Variants in RNF213 observed in about 807,000 individuals in gnomAD.
RNF213 encodes the protein E3 ubiquitin-protein ligase RNF213.
A neutral mutation model predicts 514.4 loss-of-function variants in RNF213; 341 were observed. That is an observed-to-expected ratio of 0.66 (90% CI 0.61 to 0.73). The LOEUF (loss-of-function observed/expected upper bound fraction) is 0.73. RNF213 is among the 30% of genes least tolerant of loss of function. The pLI is 0.00. For synonymous variants in RNF213, 2,655 were observed against 2,658.2 expected, an observed-to-expected ratio of 1.00 and a Z score of 0.04; for missense variants, 5,767 against 6,615.6, an observed-to-expected ratio of 0.87 and a Z score of 4.45.
chr17:80,294,885 C>T lies in RNF213; in HGVS notation c.1637C>T (p.Thr546Ile), dbSNP rs371028020. Reference sequence around the variant, plus strand: ...TTCAGCATCCTGCAGACCTGGGACACCATCAACCTGAACAGCTTCTTCACC... The same window carrying T: ...TTCAGCATCCTGCAGACCTGGGACATCATCAACCTGAACAGCTTCTTCACC... ...STFSILQTWD[T>I]INLNSFFTQF... is the part of the protein sequence containing the mutation. Residue 546 changes from threonine to isoleucine, a missense_variant, in exon 9 of 68, where the codon ACC (threonine) becomes ATC (isoleucine). This residue lies in a region of RNF213 where 592 missense variants were observed against 673.9 expected (regional missense o/e 0.88). Transcript: ENST00000582970. The T allele has an allele frequency of 1.9e-6, 3 of 1,614,110 alleles. No individual in the cohort carries two copies. The highest frequency in any genetic ancestry group is 1.3e-5 in the African/African-American group (1 of 74,934).
At chr17:80,387,209 G>A (rs190455678) in intron 63 of RNF213, among the ~76,000 whole-genome samples, 165 of 152,340 alleles carry the variant, frequency 1.1e-3, no homozygotes, top group Admixed American at 2.0e-3. Context: ...GGGCTCAAGC[G>A]ATCCTCTCAC....
intron 2 of RNF213, among the ~76,000 whole-genome samples, chr17:80,271,403 AG>A (rs2043817562): frequency 6.6e-6 from 1 of 152,200 alleles, no homozygotes; most frequent in South Asian, 2.1e-4. Flanking sequence ...CAGATCTCAG[AG>A]GAGGAGAGGG....
chr17:80,377,065 C>A lies in RNF213; in HGVS notation c.13510+102C>A, dbSNP rs1194721279. On this transcript the variant is annotated intron_variant, in intron 53 of 67. Coordinates refer to ENST00000582970, the MANE Select transcript of RNF213 (RefSeq NM_001256071.3). The surrounding 1 kb of genome is among the most constrained non-coding windows in gnomAD (Gnocchi z 4.1). ...CGACTTGGGGTCCACGTGGTTTGTG[C>A]CTCAGGGTCCAAAACCACCTGCATT... The A allele has an allele frequency of 1.1e-6, 1 of 907,230 alleles. No homozygotes were observed. The highest frequency in any genetic ancestry group is 1.8e-6 in the Non-Finnish European group (1 of 564,876). 56.2% of individuals were successfully genotyped at this position (907,230 alleles called of 1,614,324 possible).
In RNF213 at chr17:80,336,180, G is replaced by A; in HGVS notation, c.4329G>A (p.Val1443=). 6.5e-7 allele frequency: 1 copy of A among 1,537,254 alleles called. No homozygotes were observed. Among genetic ancestry groups the A allele is most frequent in the Non-Finnish European group, 8.7e-7 (1 of 1,146,900 alleles). ...EALGGINELK[V]FVDLASISAG... is the part of the protein sequence containing the mutation. The stretch of plus-strand genomic sequence containing the variant: ...CCCCAGGCATCAATGAGCTGAAGGT[G>A]TTTGTGGACCTGGCCTCCATCTCAG... Residue 1443 remains valine (V), a synonymous_variant, in exon 23 of 68, where the codon GTG becomes GTA. Coordinates refer to ENST00000582970, the MANE Select transcript of RNF213 (RefSeq NM_001256071.3).
At chr17:80,342,962 C>T (rs1230017799) in intron 26 of RNF213, among the ~76,000 whole-genome samples, 170 bp from the exon 27 acceptor site, 1 of 151,584 alleles carries the variant, frequency 6.6e-6, no homozygotes, top group Admixed American at 6.6e-5. Context: ...CCTGCCACCA[C>T]GCCTGGCTAA....
chr17:80,379,465 A>G (rs2079897316), intron 54 of RNF213, 155 bp from the exon 55 acceptor site: 8 of 748,268 alleles, frequency 1.1e-5, no homozygotes, highest in Non-Finnish European at 1.7e-5. Flanking sequence ...CCCTGTTCCC[A>G]TGGGTTCTCC....
chr17:80,371,531 G>T, intron 46 of RNF213: 1 of 174,314 alleles, frequency 5.7e-6, no homozygotes, highest in Non-Finnish European at 1.2e-5. Context: ...TTAAATGAAT[G>T]TATATTTTTG....
rs2080704629 is a variant in RNF213 at position 80,398,520 on chromosome 17, A to G, written c.*5022A>G. The G allele has an allele frequency of 1.3e-5, 2 of 152,190 alleles. No individual in the cohort carries two copies. Among genetic ancestry groups the G allele is most frequent in the Admixed American group, 6.5e-5 (1 of 15,274 alleles). The allele number at this position is 152,190 out of a possible 1,614,324, so 9.4% of individuals were successfully genotyped here. On this transcript the variant is annotated 3_prime_UTR_variant, in exon 68 of 68. Coordinates refer to ENST00000582970, the MANE Select transcript of RNF213 (RefSeq NM_001256071.3). ...TGGACAGGTCCCTTGTTTCAAAGGT[A>G]TGGCACAAGGTAACCTGTAAGCCAG...
At position 80,288,554 on chromosome 17, in the gene RNF213, A is replaced by T; in HGVS notation, c.811-79A>T. 6.2e-7 allele frequency: 1 copy of T among 1,612,664 alleles called. No individual in the cohort carries two copies. The highest frequency in any genetic ancestry group is 8.5e-7 in the Non-Finnish European group (1 of 1,179,412). ...CACCCTGTCCCTCGGCTTGTGGCAG[A>T]TGCTGCCCCTTAAACCATTGAGTCG... On this transcript the variant is annotated intron_variant, in intron 4 of 67. Coordinates refer to ENST00000582970, the MANE Select transcript of RNF213 (RefSeq NM_001256071.3). The surrounding 1 kb of genome is among the most constrained non-coding windows in gnomAD (Gnocchi z 4.9).
intron 11 of RNF213, among the ~76,000 whole-genome samples, chr17:80,305,071 T>A (rs2045309700): frequency 6.6e-6 from 1 of 152,198 alleles, no homozygotes; most frequent in African/African-American, 2.4e-5. Context: ...GATGGAATCT[T>A]GCTATGTTGC....
Position 80,381,706 on chromosome 17 carries a change from C to T in RNF213, c.13957C>T (p.Gln4653Ter). ...CGTCCTGCGCAGGCTTCTCCAAGAG[C>T]AGCACCAGCTCTCTAGCAGAAGTGA... ...HLVLRRLLQE[Q>*]HQLSSRRLLN... Residue 4653 changes from glutamine to a stop codon, truncating the protein, a stop_gained, in exon 57 of 68, where the codon CAG (glutamine) becomes TAG (stop). Transcript: ENST00000582970. LOFTEE classifies it high-confidence loss of function. 1 of 1,613,908 alleles carries T rather than the reference C, an allele frequency of 6.2e-7. No homozygotes were observed. The highest frequency in any genetic ancestry group is 8.5e-7 in the Non-Finnish European group (1 of 1,179,980).
At chr17:80,384,251 C>G (rs1330161673) in intron 59 of RNF213, among the ~76,000 whole-genome samples, 1 of 152,218 alleles carries the variant, frequency 6.6e-6, no homozygotes, top group Admixed American at 6.5e-5. Context: ...CCCAGCCGCT[C>G]TGTTCCTCTC....
At chr17:80,331,288 C>T (rs958228382) in intron 20 of RNF213, among the ~76,000 whole-genome samples, 1 of 152,150 alleles carries the variant, frequency 6.6e-6, no homozygotes, top group African/African-American at 2.4e-5. Flanking sequence ...GTTACCAGGC[C>T]TCATGTGTCA....
intron 3 of RNF213, among the ~76,000 whole-genome samples, chr17:80,275,656 C>CTTTAT (rs1182571260): frequency 6.6e-6 from 1 of 151,872 alleles, no homozygotes; most frequent in Admixed American, 6.6e-5. Context: ...ATTATTTTTT[C>CTTTAT]TTTATTTTAT....
rs1325161927 is a variant in RNF213, at chr17:80,377,462, A to ATTTTCCTT, written c.13511-300_13511-299insTTTTCCTT. On this transcript the variant is annotated intron_variant, in intron 53 of 67. Coordinates refer to ENST00000582970, the MANE Select transcript of RNF213 (RefSeq NM_001256071.3). This position sits in a 1 kb window ranked among gnomAD's most constrained non-coding sequence, Gnocchi z 4.1. ...CAAAAAAAAAAAAATCAAGGAAAATAGAAAGGTCTAGAATCCTGTCCACCT... is the reference window on the plus strand; with the variant it reads ...CAAAAAAAAAAAAATCAAGGAAAATATTTTCCTTGAAAGGTCTAGAATCCTGTCCACCT... 2.0e-5 allele frequency among the ~76,000 whole-genome samples: 3 copies of ATTTTCCTT among 151,768 alleles called. No homozygotes were observed. The highest frequency in any genetic ancestry group is 6.5e-5 in the Admixed American group (1 of 15,274).
intron 26 of RNF213, chr17:80,340,610 T>C (rs1477372734): frequency 4.3e-5 from 1 of 23,064 alleles, no homozygotes; most frequent in South Asian, 1.2e-3. Flanking sequence ...TACTTTGTGG[T>C]TTTTTTTTTT....
chr17:80,390,277 A>C lies in RNF213; in HGVS notation c.15470+81A>C, dbSNP rs1316845357. The stretch of plus-strand genomic sequence containing the variant: ...TGTGATCTTCTATAGACACAAAAAT[A>C]GTTCTTTTCTTACCACAGAATCCCA... On this transcript the variant is annotated intron_variant, in intron 67 of 67. Transcript: ENST00000582970. The C allele has an allele frequency of 5.5e-6, 8 of 1,460,452 alleles. No homozygotes were observed. In the Admixed American group the frequency reaches 8.6e-5, roughly 16 times the overall value. 90.5% of individuals were successfully genotyped at this position (1,460,452 alleles called of 1,614,324 possible).
chr17:80,312,834 C>A (rs1462337899), intron 14 of RNF213, among the ~76,000 whole-genome samples, 178 bp from the exon 15 acceptor site: 4 of 152,118 alleles, frequency 2.6e-5, no homozygotes, highest in African/African-American at 9.7e-5. Context: ...CCCAGAAAAC[C>A]CTGGGGAATG....
chr17:80,393,267 C>T, intron 67 of RNF213, 78 bp from the exon 68 acceptor site: 1 of 1,173,678 alleles, frequency 8.5e-7, no homozygotes, highest in Non-Finnish European at 1.2e-6. Flanking sequence ...ACACGTGAGC[C>T]ACACAGTGCT....
Sources: allele counts gnomAD v4.1 joint callset (sites outside exome capture counted in the v4.1 genomes callset), GRCh38; gene constraint gnomAD v4.1.1; regional missense constraint gnomAD v4.1.1; non-coding constraint Gnocchi (gnomAD v3.1); transcripts MANE v1.5; gene names NCBI Gene and HGNC (gene_info 2026-07-23, HGNC 2026-07-21).